C12orf42: variants seen among roughly 807,000 people sequenced by gnomAD.
C12orf42 encodes the protein uncharacterized protein C12orf42.
In C12orf42, 25 loss-of-function variants were observed where a neutral mutation model predicts 21.6. The observed-to-expected ratio is 1.16, with a 90% CI of 0.84 to 1.62. The LOEUF (loss-of-function observed/expected upper bound fraction) is 1.62, where lower values mean the gene tolerates loss of function less well. Ranked by LOEUF, C12orf42 falls within the 40% of genes most tolerant of loss-of-function variation. The pLI, the probability that C12orf42 is intolerant of heterozygous loss-of-function variation, is 0.00. For missense variants in C12orf42, 483 were observed against 459.3 expected, an observed-to-expected ratio of 1.05 and a Z score of -0.47; for synonymous variants, 174 against 175.0, an observed-to-expected ratio of 0.99 and a Z score of 0.05.
At chr12:103,330,142 A>G (rs1475465429) in intron 4 of C12orf42, among the ~76,000 whole-genome samples, 1 of 152,166 alleles carries the variant, frequency 6.6e-6, no homozygotes, top group Non-Finnish European at 1.5e-5. Context: ...CTTTCTTCAC[A>G]TTCAGACCGA....
chr12:103,359,283 A>T (rs1342548185), intron 4 of C12orf42, among the ~76,000 whole-genome samples: 1 of 151,960 alleles, frequency 6.6e-6, no homozygotes, highest in Admixed American at 6.6e-5. Flanking sequence ...AGTAAAATTC[A>T]CTCTTTTTAA....
chr12:103,293,337 G>A (rs1280562090), intron 4 of C12orf42, among the ~76,000 whole-genome samples: 1 of 151,976 alleles, frequency 6.6e-6, no homozygotes, highest in Non-Finnish European at 1.5e-5. Context: ...TTGTTTGTAA[G>A]GACCGTTTCC....
chr12:103,518,223 G>A, the C12orf42 span, among the ~76,000 whole-genome samples: 4 of 152,164 alleles, frequency 2.6e-5, no homozygotes, highest in Non-Finnish European at 4.4e-5. Context: ...ATATATTTTG[G>A]CTAGTTTAAG....
At chr12:103,135,692 C>A in the C12orf42 span, among the ~76,000 whole-genome samples, 2 of 152,088 alleles carry the variant, frequency 1.3e-5, no homozygotes, top group African/African-American at 4.8e-5. Context: ...AACAGTACAT[C>A]AAACAAATAA....
the C12orf42 span, among the ~76,000 whole-genome samples, chr12:103,142,119 G>A: frequency 1.3e-5 from 2 of 152,146 alleles, no homozygotes; most frequent in African/African-American, 2.4e-5. Flanking sequence ...AATGAAAGAA[G>A]CTGGTTAAAG....
At chr12:103,072,420 T>C in the C12orf42 span, among the ~76,000 whole-genome samples, 1 of 151,354 alleles carries the variant, frequency 6.6e-6, no homozygotes, top group Non-Finnish European at 1.5e-5. Flanking sequence ...AAATAAAAAC[T>C]CTCTTGTATT....
the C12orf42 span, among the ~76,000 whole-genome samples, chr12:103,213,906 T>G: frequency 6.6e-6 from 1 of 152,192 alleles, no homozygotes; most frequent in Non-Finnish European, 1.5e-5. Flanking sequence ...AATCTCATTT[T>G]CCATGGATTG....
chr12:103,050,937 C>T, the C12orf42 span, among the ~76,000 whole-genome samples: 75 of 152,254 alleles, frequency 4.9e-4, no homozygotes, highest in African/African-American at 1.7e-3. Flanking sequence ...TTCCTCCTTA[C>T]GCAGCTTTCT....
the C12orf42 span, among the ~76,000 whole-genome samples, chr12:103,113,026 T>C: frequency 6.6e-6 from 1 of 152,098 alleles, no homozygotes; most frequent in African/African-American, 2.4e-5. Flanking sequence ...CCCAAGGCTA[T>C]GAAATGACAG....
At chr12:103,560,347 A>C in the C12orf42 span, among the ~76,000 whole-genome samples, 1 of 152,280 alleles carries the variant, frequency 6.6e-6, no homozygotes, top group Non-Finnish European at 1.5e-5. Context: ...CAGTGGATGC[A>C]AGATCAGGCT....
intron 3 of C12orf42, among the ~76,000 whole-genome samples, chr12:103,387,303 A>T (rs970611804): frequency 6.6e-6 from 1 of 151,962 alleles, no homozygotes; most frequent in African/African-American, 2.4e-5. Flanking sequence ...TTAATGCTTC[A>T]TCTCCTTCAC....
At chr12:103,134,851 T>C in the C12orf42 span, among the ~76,000 whole-genome samples, 2 of 152,132 alleles carry the variant, frequency 1.3e-5, no homozygotes, top group Non-Finnish European at 2.9e-5. Context: ...GAGGAAATTC[T>C]AAAAACATGA....
chr12:103,367,367 A>C (rs2044701157), intron 4 of C12orf42, among the ~76,000 whole-genome samples: 2 of 151,788 alleles, frequency 1.3e-5, no homozygotes, highest in Admixed American at 6.6e-5. Context: ...TGATGGGTGC[A>C]CCAAAATCTC....
At chr12:103,072,367 T>C in the C12orf42 span, among the ~76,000 whole-genome samples, 1 of 151,996 alleles carries the variant, frequency 6.6e-6, no homozygotes, top group Non-Finnish European at 1.5e-5. Flanking sequence ...GAAGAACAGA[T>C]CCTATACCAT....
chr12:103,187,513 T>C, the C12orf42 span, among the ~76,000 whole-genome samples: 478 of 152,318 alleles, frequency 3.1e-3, 1 homozygote, highest in African/African-American at 0.011. Context: ...TAGGAAGACA[T>C]GATCATGGCA....
intron 4 of C12orf42, among the ~76,000 whole-genome samples, chr12:103,342,148 G>C (rs1308794683): frequency 6.6e-6 from 1 of 152,086 alleles, no homozygotes; most frequent in Non-Finnish European, 1.5e-5. Context: ...TATGTAGTGG[G>C]GTGCAAGGGT....
intron 2 of C12orf42, among the ~76,000 whole-genome samples, chr12:103,419,965 T>C (rs1302091072): frequency 6.6e-6 from 1 of 152,230 alleles, no homozygotes; most frequent in Non-Finnish European, 1.5e-5. Context: ...GTAACAGTAC[T>C]ATATATAGTT....
At chr12:103,117,675 T>C in the C12orf42 span, among the ~76,000 whole-genome samples, 1 of 152,250 alleles carries the variant, frequency 6.6e-6, no homozygotes, top group Non-Finnish European at 1.5e-5. Flanking sequence ...TGAAAATGTT[T>C]GAATTCAAAC....
chr12:103,222,257 G>A, the C12orf42 span, among the ~76,000 whole-genome samples: 2 of 151,892 alleles, frequency 1.3e-5, no homozygotes, highest in East Asian at 3.9e-4. Flanking sequence ...TATAGGATTT[G>A]GGTAGGTAAA....
Sources: allele counts gnomAD v4.1 joint callset (sites outside exome capture counted in the v4.1 genomes callset), GRCh38; gene constraint gnomAD v4.1.1; transcripts MANE v1.5; gene names NCBI Gene and HGNC (gene_info 2026-07-23, HGNC 2026-07-21).